Variants in ARMC9 observed in about 807,000 individuals in gnomAD.
The protein encoded by ARMC9 is armadillo repeat containing 9, also known as lisH domain-containing protein ARMC9.
A neutral mutation model predicts 107.0 loss-of-function variants in ARMC9; 94 were observed. The observed-to-expected ratio is 0.88, with a 90% CI of 0.74 to 1.04. The LOEUF is 1.04. ARMC9 is among the 50% of genes least tolerant of loss of function. The probability of loss-of-function intolerance (pLI) is 0.00; values close to 1 mark genes in which losing one functional copy is unlikely to be tolerated. For synonymous variants in ARMC9, 380 were observed against 396.9 expected (o/e 0.96, Z 0.51); for missense variants, 942 against 1,030.1 (o/e 0.91, Z 1.17).
rs530700417 is a variant in ARMC9, at chr2:231,343,598, A to C, written c.1879-1377A>C. Among the ~76,000 whole-genome samples, 10 of 152,224 alleles carry C rather than the reference A, an allele frequency of 6.6e-5. No homozygotes were observed. In the South Asian group the frequency reaches 2.1e-3, roughly 32 times the overall value. ...CATCCACAGACTTTATTCACATTTC[A>C]CTAGTTTGACAGTGATTTCCTTTTT... On this transcript the variant is annotated intron_variant, in intron 20 of 24. Transcript: ENST00000611582.
intron 12 of ARMC9, among the ~76,000 whole-genome samples, chr2:231,270,134 G>C (rs902299047): frequency 2.6e-5 from 4 of 152,196 alleles, no homozygotes; most frequent in Non-Finnish European, 4.4e-5. Flanking sequence ...CTCAGGCCTA[G>C]AGGGCAAAGG....
intron 3 of ARMC9, among the ~76,000 whole-genome samples, chr2:231,211,724 A>G (rs2032891024): frequency 1.3e-5 from 2 of 152,310 alleles, no homozygotes; most frequent in Admixed American, 1.3e-4. Flanking sequence ...CCAGCAGTAC[A>G]TAAGCGTTCC....
intron 21 of ARMC9, among the ~76,000 whole-genome samples, chr2:231,350,982 A>G (rs2045049703): frequency 1.0e-5 from 1 of 96,648 alleles, no homozygotes; most frequent in Non-Finnish European, 1.8e-5. Flanking sequence ...TTTTTGAGAC[A>G]GAGTCTCGCT....
chr2:231,365,566 C>T (rs1014078186), intron 23 of ARMC9, among the ~76,000 whole-genome samples: 1 of 152,118 alleles, frequency 6.6e-6, no homozygotes, highest in Non-Finnish European at 1.5e-5. Flanking sequence ...GTTATTGCTG[C>T]GGACATTTCA....
intron 19 of ARMC9, among the ~76,000 whole-genome samples, chr2:231,301,064 G>C (rs960409540): frequency 9.9e-5 from 15 of 152,176 alleles, no homozygotes; most frequent in Admixed American, 5.2e-4. Flanking sequence ...TGCACACACA[G>C]AGTACACGGA....
chr2:231,325,560 C>G (rs2043268150), intron 19 of ARMC9, among the ~76,000 whole-genome samples: 1 of 152,182 alleles, frequency 6.6e-6, no homozygotes. Flanking sequence ...GCTCTGTCCC[C>G]TGGAGAAGAG....
intron 19 of ARMC9, among the ~76,000 whole-genome samples, chr2:231,312,109 G>A (rs1167255524): frequency 6.6e-6 from 1 of 152,190 alleles, no homozygotes; most frequent in Admixed American, 6.5e-5. Context: ...AATTCTGTGG[G>A]TTGGCTTGGC....
intron 9 of ARMC9, among the ~76,000 whole-genome samples, chr2:231,248,600 A>G (rs2125389052): frequency 6.6e-6 from 1 of 152,036 alleles, no homozygotes; most frequent in South Asian, 2.1e-4. Flanking sequence ...TGAGGTCAGG[A>G]GTTCGAGACC....
At chr2:231,245,925 A>T (rs1041451553) in intron 9 of ARMC9, among the ~76,000 whole-genome samples, 3 of 152,170 alleles carry the variant, frequency 2.0e-5, no homozygotes, top group Admixed American at 6.5e-5. Context: ...TGTTCCACCC[A>T]CACCAAGCCT....
chr2:231,265,990 G>A (rs2038823785), intron 12 of ARMC9, among the ~76,000 whole-genome samples: 1 of 145,700 alleles, frequency 6.9e-6, no homozygotes, highest in South Asian at 2.2e-4. Context: ...AGACTGAGAC[G>A]CCATCTAAAA....
chr2:231,203,525 G>C (rs2031427284), intron 1 of ARMC9, among the ~76,000 whole-genome samples: 1 of 152,144 alleles, frequency 6.6e-6, no homozygotes, highest in South Asian at 2.1e-4. Flanking sequence ...TGTAGAGCAG[G>C]CAACATGCAT....
At chr2:231,202,905 T>TG (rs964574567) in intron 1 of ARMC9, among the ~76,000 whole-genome samples, 5 of 152,056 alleles carry the variant, frequency 3.3e-5, no homozygotes, top group Admixed American at 6.6e-5. Context: ...AAAGCAGACT[T>TG]GGGGGGTATG....
Position 231,235,401 on chromosome 2 carries a change from G to C in ARMC9, c.780+20G>C. ...AAGATGGTAAGGAAGATCCCTAATT[G>C]TGTGTATGTCTGTTTGGCAATGAAG... is the stretch of plus-strand genomic sequence containing the variant. On this transcript the variant is annotated intron_variant, in intron 8 of 24. Coordinates refer to ENST00000611582, the MANE Select transcript of ARMC9 (RefSeq NM_001352754.2). 1.2e-6 allele frequency: 2 copies of C among 1,613,812 alleles called. No homozygotes were observed. The highest frequency in any genetic ancestry group is 2.2e-5 in the South Asian group (2 of 91,000).
chr2:231,240,153 C>T, intron 9 of ARMC9, 112 bp downstream of exon 9: 1 of 956,558 alleles, frequency 1.0e-6, no homozygotes, highest in Non-Finnish European at 1.6e-6. Flanking sequence ...TGCATTTAAG[C>T]TGGCTTTTGA....
At chr2:231,332,591 C>G (rs2043814531) in intron 20 of ARMC9, among the ~76,000 whole-genome samples, 1 of 152,164 alleles carries the variant, frequency 6.6e-6, no homozygotes, top group Non-Finnish European at 1.5e-5. Flanking sequence ...GCTCCAGAAC[C>G]ACTGGCTTAC....
intron 9 of ARMC9, among the ~76,000 whole-genome samples, chr2:231,249,704 A>G (rs772283343): frequency 3.9e-5 from 6 of 152,132 alleles, no homozygotes; most frequent in African/African-American, 4.8e-5. Flanking sequence ...TGAATAATTG[A>G]TGGGTTACTA....
rs767321498 is a variant in ARMC9, at chr2:231,359,082, G to GTTCTTTTTTTTTTTTTTTTTT, written c.2132-1670_2132-1669insCTTTTTTTTTTTTTTTTTTTT. 1.7e-5 allele frequency among the ~76,000 whole-genome samples: 2 copies of GTTCTTTTTTTTTTTTTTTTTT among 117,864 alleles called. 1 individual carries two copies. Among genetic ancestry groups the GTTCTTTTTTTTTTTTTTTTTT allele is most frequent in the African/African-American group, 7.1e-5 (2 of 28,292 alleles). 77.3% of individuals were successfully genotyped at this position (117,864 alleles called of 152,430 possible). ...GCTGTCTTAGTTAGGGGGGTCTCCT[G>GTTCTTTTTTTTTTTTTTTTTT]TTTTTTTTTTTTTTTTTTTTTGAGA... On this transcript the variant is annotated intron_variant, in intron 22 of 24. Transcript: ENST00000611582.
chr2:231,366,698 G>A (rs570476329), intron 23 of ARMC9, among the ~76,000 whole-genome samples: 8 of 151,362 alleles, frequency 5.3e-5, no homozygotes, highest in South Asian at 2.1e-4. Flanking sequence ...AAAATTAGCC[G>A]GGCATGGTGG....
chr2:231,241,780 C>A (rs56878210), intron 9 of ARMC9, among the ~76,000 whole-genome samples: 17,900 of 151,992 alleles, frequency 0.12, 2,058 homozygotes, highest in African/African-American at 0.29. Flanking sequence ...AAATAAAAGT[C>A]AGCAAGGGCT....
Sources: allele counts gnomAD v4.1 joint callset (sites outside exome capture counted in the v4.1 genomes callset), GRCh38; gene constraint gnomAD v4.1.1; transcripts MANE v1.5; gene names NCBI Gene and HGNC (gene_info 2026-07-23, HGNC 2026-07-21).